The following RABGAP1L variants were observed in gnomAD, a reference collection of about 807,000 sequenced individuals.
RABGAP1L encodes the protein rab GTPase-activating protein 1-like.
A neutral mutation model predicts 137.7 loss-of-function variants in RABGAP1L; 63 were observed. That is an observed-to-expected ratio of 0.46 (90% CI 0.37 to 0.56). The LOEUF (loss-of-function observed/expected upper bound fraction) is 0.56, where lower values mean the gene tolerates loss of function less well. RABGAP1L is among the 20% of genes least tolerant of loss of function. RABGAP1L has a pLI of 0.00. For synonymous variants in RABGAP1L, 431 were observed against 433.7 expected, an observed-to-expected ratio of 0.99 and a Z score of 0.08; for missense variants, 1,095 against 1,244.0, an observed-to-expected ratio of 0.88 and a Z score of 1.80.
intron 11 of RABGAP1L, among the ~76,000 whole-genome samples, chr1:174,327,966 T>TATATACAC (rs1398810396): frequency 2.2e-4 from 3 of 13,868 alleles, no homozygotes; most frequent in African/African-American, 2.1e-3. Flanking sequence ...AATATATATA[T>TATATACAC]ATATATATAT....
chr1:174,486,846 A>T (rs1315544893), intron 13 of RABGAP1L, among the ~76,000 whole-genome samples: 1 of 151,910 alleles, frequency 6.6e-6, no homozygotes, highest in African/African-American at 2.4e-5. Context: ...TATCTTTTTT[A>T]CAAGATATTT....
intron 13 of RABGAP1L, among the ~76,000 whole-genome samples, chr1:174,424,344 T>A (rs1384169153): frequency 1.3e-5 from 2 of 152,140 alleles, no homozygotes; most frequent in Non-Finnish European, 2.9e-5. Flanking sequence ...TTGCTACTTT[T>A]CTGTTCTCAG....
At chr1:174,572,466 A>G (rs1355873186) in intron 13 of RABGAP1L, among the ~76,000 whole-genome samples, 1 of 152,020 alleles carries the variant, frequency 6.6e-6, no homozygotes, top group African/African-American at 2.4e-5. Context: ...GCTCACTGCA[A>G]CCTCTGCCTT....
chr1:174,878,305 C>T (rs1653490793), intron 19 of RABGAP1L, among the ~76,000 whole-genome samples: 1 of 152,180 alleles, frequency 6.6e-6, no homozygotes, highest in East Asian at 1.9e-4. Context: ...TGGCTCACCG[C>T]AGCCGTTGCC....
intron 17 of RABGAP1L, among the ~76,000 whole-genome samples, chr1:174,708,780 TTTG>T (rs1456750412): frequency 6.6e-6 from 1 of 152,168 alleles, no homozygotes; most frequent in African/African-American, 2.4e-5. Context: ...TTTGTTTTGT[TTTG>T]TTTTTACCCC....
rs117504118 is a variant in RABGAP1L, at chr1:174,977,018, T to C, written c.2649+836T>C. Reference sequence around the variant, plus strand: ...GAATTTTACTAATGTAGCTAACTTATAAAGTGAGGAAGCATCTCAAATCGT... The same window carrying C: ...GAATTTTACTAATGTAGCTAACTTACAAAGTGAGGAAGCATCTCAAATCGT... On this transcript the variant is annotated intron_variant, in intron 22 of 25. Coordinates refer to ENST00000681986, the MANE Select transcript of RABGAP1L (RefSeq NM_001366446.1). Among the ~76,000 whole-genome samples, 8 of 152,348 alleles carry C rather than the reference T, an allele frequency of 5.3e-5. No homozygotes were observed. The East Asian group carries it at 1.3e-3, about 26-fold the overall frequency.
intron 19 of RABGAP1L, among the ~76,000 whole-genome samples, chr1:174,876,220 C>T (rs1653087935): frequency 6.6e-6 from 1 of 152,106 alleles, no homozygotes; most frequent in South Asian, 2.1e-4. Flanking sequence ...CATAATCCTG[C>T]TATTGGTAAT....
At chr1:174,408,146 T>C (rs898990793) in intron 13 of RABGAP1L, among the ~76,000 whole-genome samples, 1 of 152,176 alleles carries the variant, frequency 6.6e-6, no homozygotes, top group Non-Finnish European at 1.5e-5. Context: ...TGCTGAAGTT[T>C]TGGGTGTGAA....
chr1:174,398,096 C>G (rs1648097353), intron 13 of RABGAP1L, among the ~76,000 whole-genome samples: 1 of 152,148 alleles, frequency 6.6e-6, no homozygotes, highest in African/African-American at 2.4e-5. Context: ...TGTTACCCTC[C>G]TGGTATTATC....
intron 13 of RABGAP1L, among the ~76,000 whole-genome samples, chr1:174,602,862 A>T (rs77531515): frequency 0.079 from 12,024 of 151,958 alleles, 659 homozygotes; most frequent in East Asian, 0.32. Flanking sequence ...GTTGTCTTGA[A>T]GTTTGTTGTG....
rs1683770613 is a variant in RABGAP1L at position 174,357,832 on chromosome 1, T to C, written c.1466-13147T>C. ...TTCCTCAAACCTGTGCCAGTAGGCA[T>C]TCAAGTTTGTTAAATGATAATGGCT... is the stretch of plus-strand genomic sequence containing the variant. On this transcript the variant is annotated intron_variant, in intron 11 of 25. Coordinates refer to ENST00000681986, the MANE Select transcript of RABGAP1L (RefSeq NM_001366446.1). 1.3e-5 allele frequency among the ~76,000 whole-genome samples: 2 copies of C among 152,230 alleles called. 1 individual carries two copies. Among genetic ancestry groups the C allele is most frequent in the South Asian group, 4.1e-4 (2 of 4,832 alleles).
chr1:174,550,879 T>C (rs1317486477), intron 13 of RABGAP1L, among the ~76,000 whole-genome samples: 1 of 85,930 alleles, frequency 1.2e-5, no homozygotes, highest in African/African-American at 7.5e-5. Context: ...TATATATATA[T>C]ATATATATAT....
chr1:174,392,733 G>A (rs1206736215), intron 12 of RABGAP1L, among the ~76,000 whole-genome samples: 1 of 152,196 alleles, frequency 6.6e-6, no homozygotes, highest in East Asian at 1.9e-4. Context: ...GCTAGAGGTA[G>A]AAGAGTGTGT....
intron 13 of RABGAP1L, among the ~76,000 whole-genome samples, chr1:174,420,250 A>G (rs1651095477): frequency 6.6e-6 from 1 of 151,626 alleles, no homozygotes; most frequent in African/African-American, 2.4e-5. Flanking sequence ...GAAAGCTAGA[A>G]AGGTATTGTG....
At chr1:174,264,962 T>G in intron 7 of RABGAP1L, among the ~76,000 whole-genome samples, 1 of 152,170 alleles carries the variant, frequency 6.6e-6, no homozygotes, top group East Asian at 1.9e-4. Flanking sequence ...CTCATAAAAT[T>G]GAATTCATCA....
At chr1:174,957,849 G>C (rs752218234) in intron 20 of RABGAP1L, 54 of 1,506,226 alleles carry the variant, frequency 3.6e-5, no homozygotes, top group Non-Finnish European at 4.7e-5. Flanking sequence ...TTCATTTCAG[G>C]AGACTCCCAA....
At chr1:174,549,874 C>T (rs12077529) in intron 13 of RABGAP1L, among the ~76,000 whole-genome samples, 59,182 of 151,886 alleles carry the variant, frequency 0.39, 14,535 homozygotes, top group African/African-American at 0.7. Flanking sequence ...AATCTTATGA[C>T]AGCTGAGAGT....
chr1:174,223,264 TAA>T (rs550034492), intron 3 of RABGAP1L, among the ~76,000 whole-genome samples: 1 of 39,846 alleles, frequency 2.5e-5, no homozygotes, highest in Admixed American at 5.2e-4. Context: ...AGACTCTGTC[TAA>T]AAAAAAAAAA....
At chr1:174,162,947 G>C (rs1387620881) in intron 1 of RABGAP1L, among the ~76,000 whole-genome samples, 1 of 125,144 alleles carries the variant, frequency 8.0e-6, no homozygotes, top group Non-Finnish European at 1.7e-5. Context: ...TGGTGGGGAG[G>C]GGGGAGGGGG....
Sources: gnomAD v4.1 joint callset for allele counts (sites outside exome capture counted in the v4.1 genomes callset) on GRCh38, gnomAD v4.1.1 for gene constraint, MANE v1.5 for transcripts, NCBI Gene and HGNC (gene_info 2026-07-23, HGNC 2026-07-21) for gene names.